CCSER1: variants seen among roughly 807,000 people sequenced by gnomAD.
The protein encoded by CCSER1 is coiled-coil serine rich protein 1.
Under a neutral mutation model 82.0 loss-of-function variants are expected in CCSER1, and 41 were observed. The ratio of observed to expected loss-of-function variants is 0.50; its 90% CI spans 0.39 to 0.65. The LOEUF is 0.65. CCSER1 is among the 30% of genes least tolerant of loss of function. The probability of loss-of-function intolerance (pLI) is 0.00; values close to 1 mark genes in which losing one functional copy is unlikely to be tolerated. For missense variants in CCSER1, 1,119 were observed against 1,064.2 expected (o/e 1.05, Z -0.72); for synonymous variants, 414 against 383.9 (o/e 1.08, Z -0.92).
intron 10 of CCSER1, among the ~76,000 whole-genome samples, chr4:91,302,721 T>C (rs943184135): frequency 6.6e-6 from 1 of 151,922 alleles, no homozygotes; most frequent in African/African-American, 2.4e-5. Context: ...TGCCATCACA[T>C]CCTTCCACAC....
chr4:90,167,864 C>A (rs1730809612), intron 1 of CCSER1, among the ~76,000 whole-genome samples: 1 of 151,982 alleles, frequency 6.6e-6, no homozygotes, highest in Admixed American at 6.6e-5. Flanking sequence ...TTTCTTAATC[C>A]AGTCTATCAT....
intron 4 of CCSER1, among the ~76,000 whole-genome samples, chr4:90,465,473 A>G (rs1474102714): frequency 6.6e-6 from 1 of 151,990 alleles, no homozygotes; most frequent in African/African-American, 2.4e-5. Context: ...GACGTGTGCC[A>G]CCATGCCTGG....
intron 7 of CCSER1, among the ~76,000 whole-genome samples, chr4:90,790,588 CT>C (rs1389482760): frequency 1.1e-4 from 17 of 152,112 alleles, no homozygotes; most frequent in Admixed American, 7.2e-4. Context: ...ACTCTACTAC[CT>C]TGGTCTATGT....
intron 7 of CCSER1, among the ~76,000 whole-genome samples, chr4:90,741,612 GTT>G (rs1446868253): frequency 6.6e-6 from 1 of 152,102 alleles, no homozygotes; most frequent in Non-Finnish European, 1.5e-5. Flanking sequence ...GCACTTCAGT[GTT>G]TATTTCTTAC....
At chr4:91,552,231 C>G (rs1260043310) in intron 10 of CCSER1, among the ~76,000 whole-genome samples, 1 of 151,542 alleles carries the variant, frequency 6.6e-6, no homozygotes, top group African/African-American at 2.4e-5. Flanking sequence ...GAGTTAGAAT[C>G]CAATGTGCTT....
At chr4:90,537,494 G>A (rs568056268) in intron 5 of CCSER1, among the ~76,000 whole-genome samples, 61 of 151,650 alleles carry the variant, frequency 4.0e-4, no homozygotes, top group South Asian at 6.3e-4. Context: ...CCATTTGTCC[G>A]TTTTTTCCAC....
At chr4:90,203,658 G>A (rs571161872) in intron 1 of CCSER1, among the ~76,000 whole-genome samples, 80 of 152,204 alleles carry the variant, frequency 5.3e-4, no homozygotes, top group African/African-American at 1.7e-3. Context: ...ATAAACATAC[G>A]TGTGCATGTG....
At chr4:90,879,877 G>T (rs1048328222) in intron 8 of CCSER1, among the ~76,000 whole-genome samples, 2 of 152,198 alleles carry the variant, frequency 1.3e-5, no homozygotes, top group Non-Finnish European at 2.9e-5. Context: ...TATAGATGCA[G>T]TATAGATACA....
chr4:91,416,867 A>G (rs955100066), intron 10 of CCSER1, among the ~76,000 whole-genome samples: 9 of 152,220 alleles, frequency 5.9e-5, no homozygotes, highest in Non-Finnish European at 8.8e-5. Flanking sequence ...ATCTACTTAA[A>G]CTAAAGAGTT....
At chr4:90,982,303 C>T (rs1481188334) in intron 9 of CCSER1, among the ~76,000 whole-genome samples, 4 of 151,610 alleles carry the variant, frequency 2.6e-5, no homozygotes, top group Non-Finnish European at 5.9e-5. Flanking sequence ...AATTTCATCA[C>T]GGAGGCTCCA....
chr4:91,164,954 C>T (rs1379572580), intron 10 of CCSER1, among the ~76,000 whole-genome samples: 5 of 152,190 alleles, frequency 3.3e-5, no homozygotes, highest in East Asian at 1.9e-4. Context: ...AGTCATTCTC[C>T]GTCCACCTTT....
At chr4:90,727,688 T>C (rs1165401184) in intron 7 of CCSER1, among the ~76,000 whole-genome samples, 3 of 152,186 alleles carry the variant, frequency 2.0e-5, no homozygotes, top group Non-Finnish European at 2.9e-5. Context: ...AGTCCATTCC[T>C]GGAACTAACA....
intron 1 of CCSER1, among the ~76,000 whole-genome samples, chr4:90,211,292 T>C (rs1739945408): frequency 6.6e-6 from 1 of 152,250 alleles, no homozygotes; most frequent in South Asian, 2.1e-4. Context: ...TATTTTTAGC[T>C]ATTTGTAAAA....
intron 9 of CCSER1, among the ~76,000 whole-genome samples, chr4:90,923,853 A>T (rs1728725813): frequency 6.6e-6 from 1 of 152,234 alleles, no homozygotes; most frequent in South Asian, 2.1e-4. Flanking sequence ...TTAAAGGCAA[A>T]AACAACTTTG....
intron 10 of CCSER1, among the ~76,000 whole-genome samples, chr4:91,088,006 G>A (rs1012294508): frequency 4.6e-5 from 7 of 151,990 alleles, no homozygotes; most frequent in Non-Finnish European, 8.8e-5. Context: ...ACTATGTTAA[G>A]GACCTTGTGA....
rs74713069 is a variant in CCSER1 at position 91,108,854 on chromosome 4, T to A, written c.2217+22860T>A. ...TAGCTGGTAAAGTATTATTTTTGGGTATGTCTGCGAGGGTGTTTCTAGAGA... is the reference window on the plus strand; with the variant it reads ...TAGCTGGTAAAGTATTATTTTTGGGAATGTCTGCGAGGGTGTTTCTAGAGA... On this transcript the variant is annotated intron_variant, in intron 10 of 10. Transcript: ENST00000509176. Among the ~76,000 whole-genome samples, 534 of 152,296 alleles carry A rather than the reference T, an allele frequency of 3.5e-3. 2 individuals are homozygous for A. The highest frequency in any genetic ancestry group is 6.8e-3 in the Middle Eastern group (2 of 294).
At chr4:90,359,270 A>G (rs755811095) in intron 3 of CCSER1, among the ~76,000 whole-genome samples, 5 of 152,234 alleles carry the variant, frequency 3.3e-5, no homozygotes, top group Non-Finnish European at 7.3e-5. Flanking sequence ...TAAAAATAGT[A>G]TATGAGAATG....
intron 4 of CCSER1, among the ~76,000 whole-genome samples, chr4:90,429,969 T>A (rs1758053697): frequency 6.6e-6 from 1 of 151,844 alleles, no homozygotes; most frequent in Non-Finnish European, 1.5e-5. Context: ...GGAAAGATCT[T>A]TACTAAGTCT....
chr4:90,142,703 C>A (rs187829456), intron 1 of CCSER1, among the ~76,000 whole-genome samples: 5 of 151,822 alleles, frequency 3.3e-5, no homozygotes. Context: ...TTGATCCCTG[C>A]AGCCTCTGGC....
Sources: allele counts gnomAD v4.1 joint callset (sites outside exome capture counted in the v4.1 genomes callset), GRCh38; gene constraint gnomAD v4.1.1; transcripts MANE v1.5; gene names NCBI Gene and HGNC (gene_info 2026-07-23, HGNC 2026-07-21).